SPECC1: variants seen among roughly 807,000 people sequenced by gnomAD.
SPECC1 encodes the protein cytospin-B.
A neutral mutation model predicts 104.1 loss-of-function variants in SPECC1; 62 were observed. The observed-to-expected ratio is 0.60, with a 90% CI of 0.49 to 0.74. SPECC1 has a LOEUF of 0.74. Among genes scored for constraint, SPECC1 ranks in the 30% least tolerant of loss-of-function variants. SPECC1 has a pLI of 0.00. For synonymous variants in SPECC1, 513 were observed against 501.6 expected (o/e 1.02, Z -0.30); for missense variants, 1,306 against 1,310.5 (o/e 1.00, Z 0.05).
intron 2 of SPECC1, among the ~76,000 whole-genome samples, chr17:20,106,192 A>G (rs2048189569): frequency 6.6e-6 from 1 of 152,112 alleles, no homozygotes; most frequent in Non-Finnish European, 1.5e-5. Context: ...ACCAGAATTG[A>G]TTTTCATTTG....
intron 11 of SPECC1, among the ~76,000 whole-genome samples, chr17:20,258,137 C>G (rs1265452709): frequency 2.0e-5 from 3 of 152,214 alleles, no homozygotes; most frequent in Non-Finnish European, 2.9e-5. Flanking sequence ...TGGTAAAGCA[C>G]TGGAGTACCA....
Position 20,078,485 on chromosome 17 carries a change from T to C in SPECC1, c.-21-18146T>C, listed in dbSNP as rs116635450. On this transcript the variant is annotated intron_variant, in intron 1 of 14. Coordinates refer to ENST00000395527, the MANE Select transcript of SPECC1 (RefSeq NM_001243439.2). ...AAATTCAAATACTCATGACGTGTCA[T>C]TTCCCATGCAACACATTGGCAAAAA... Among the ~76,000 whole-genome samples the C allele has an allele frequency of 2.4e-3, 361 of 152,232 alleles. 2 individuals are homozygous for C. Among genetic ancestry groups the C allele is most frequent in the African/African-American group, 8.4e-3 (349 of 41,542 alleles).
intron 3 of SPECC1, among the ~76,000 whole-genome samples, chr17:20,179,902 C>G (rs2034750032): frequency 6.6e-6 from 1 of 152,168 alleles, no homozygotes; most frequent in Non-Finnish European, 1.5e-5. Flanking sequence ...ATCGTACTGC[C>G]TTGGAACATC....
At chr17:20,136,357 G>A (rs997165126) in intron 3 of SPECC1, among the ~76,000 whole-genome samples, 2 of 151,338 alleles carry the variant, frequency 1.3e-5, no homozygotes, top group African/African-American at 4.9e-5. Context: ...CACGGGAGGC[G>A]GAGGTTGCAG....
intron 12 of SPECC1, among the ~76,000 whole-genome samples, chr17:20,260,596 C>T (rs2039991061): frequency 6.6e-6 from 1 of 152,200 alleles, no homozygotes; most frequent in South Asian, 2.1e-4. Flanking sequence ...TTACTGGCCA[C>T]AGGTTCTTGG....
intron 14 of SPECC1, among the ~76,000 whole-genome samples, chr17:20,310,745 G>A (rs555867727): frequency 6.6e-6 from 1 of 152,336 alleles, no homozygotes; most frequent in East Asian, 1.9e-4. Flanking sequence ...CCCCGTGGAG[G>A]GAGGTCACCA....
intron 9 of SPECC1, among the ~76,000 whole-genome samples, chr17:20,251,030 C>T (rs564603046): frequency 4.7e-4 from 72 of 151,968 alleles, no homozygotes; most frequent in Non-Finnish European, 7.9e-4. Context: ...AGTTCAAGAC[C>T]ACTCTGGTCA....
At chr17:20,307,361 C>T (rs1267124027) in intron 14 of SPECC1, among the ~76,000 whole-genome samples, 2 of 152,166 alleles carry the variant, frequency 1.3e-5, no homozygotes, top group South Asian at 4.1e-4. Context: ...TTAATCTGTT[C>T]CTTTTGTCCC....
At chr17:20,114,502 T>G (rs981065181) in intron 3 of SPECC1, among the ~76,000 whole-genome samples, 4 of 146,122 alleles carry the variant, frequency 2.7e-5, no homozygotes, top group African/African-American at 1.1e-4. Flanking sequence ...TTTTTTTTTT[T>G]GTTTTTTTTT....
chr17:20,217,065 TG>T (rs967577033), intron 4 of SPECC1, among the ~76,000 whole-genome samples: 1 of 152,164 alleles, frequency 6.6e-6, no homozygotes, highest in African/African-American at 2.4e-5. Flanking sequence ...GAATAGGGCC[TG>T]GATCCCCTGC....
chr17:20,294,855 A>T (rs762628842), intron 12 of SPECC1, among the ~76,000 whole-genome samples: 1 of 152,098 alleles, frequency 6.6e-6, no homozygotes, highest in Non-Finnish European at 1.5e-5. Flanking sequence ...GAAATCCTCT[A>T]CTGTTTTGAG....
chr17:20,285,288 C>T (rs2040905674), intron 12 of SPECC1, among the ~76,000 whole-genome samples: 1 of 152,224 alleles, frequency 6.6e-6, no homozygotes, highest in African/African-American at 2.4e-5. Context: ...ACAACCTCAA[C>T]ACTCTGGGAA....
chr17:20,311,788 A>G (rs993078208), intron 14 of SPECC1, among the ~76,000 whole-genome samples: 16 of 152,078 alleles, frequency 1.1e-4, no homozygotes, highest in African/African-American at 3.9e-4. Context: ...TTGGTTTTTT[A>G]TACATATCCT....
intron 3 of SPECC1, among the ~76,000 whole-genome samples, chr17:20,126,027 C>A (rs183753354): frequency 1.3e-5 from 2 of 152,278 alleles, no homozygotes; most frequent in African/African-American, 4.8e-5. Context: ...TGGGTCCTCC[C>A]TGGGTGCCTG....
chr17:20,180,259 A>G (rs2034781405), intron 3 of SPECC1, among the ~76,000 whole-genome samples: 1 of 152,232 alleles, frequency 6.6e-6, no homozygotes, highest in African/African-American at 2.4e-5. Flanking sequence ...AACAAAATCA[A>G]GTGGAAACAG....
At chr17:20,080,568 G>A (rs55814709) in intron 1 of SPECC1, among the ~76,000 whole-genome samples, 8,271 of 152,066 alleles carry the variant, frequency 0.054, 302 homozygotes, top group Non-Finnish European at 0.08. Context: ...CTACCTTGCT[G>A]CCTCTTGGGG....
chr17:20,036,471 T>C (rs2045085731), intron 1 of SPECC1, among the ~76,000 whole-genome samples: 1 of 152,220 alleles, frequency 6.6e-6, no homozygotes, highest in Admixed American at 6.5e-5. Context: ...ATTGTGTGTA[T>C]TTATCATGTA....
At chr17:20,180,670 C>T (rs754845917) in intron 3 of SPECC1, among the ~76,000 whole-genome samples, 1 of 152,166 alleles carries the variant, frequency 6.6e-6, no homozygotes, top group African/African-American at 2.4e-5. Context: ...GCATGTCTTG[C>T]CTAAAGGCAT....
chr17:20,047,596 C>T (rs7209124), intron 1 of SPECC1, among the ~76,000 whole-genome samples: 120 of 151,970 alleles, frequency 7.9e-4, no homozygotes, highest in African/African-American at 2.7e-3. Flanking sequence ...CTTTATCTCT[C>T]GTATCTAACT....
Sources: gnomAD v4.1 joint callset for allele counts (sites outside exome capture counted in the v4.1 genomes callset) on GRCh38, gnomAD v4.1.1 for gene constraint, MANE v1.5 for transcripts, NCBI Gene and HGNC (gene_info 2026-07-23, HGNC 2026-07-21) for gene names.